UBAP2L: variants seen among roughly 807,000 people sequenced by gnomAD.
UBAP2L encodes ubiquitin associated protein 2 like, also known as ubiquitin-associated protein 2-like.
UBAP2L carries 12 observed loss-of-function variants against 130.6 expected under a neutral mutation model. The ratio of observed to expected loss-of-function variants is 0.09; its 90% CI spans 0.06 to 0.15. UBAP2L has a LOEUF of 0.15. UBAP2L is among the 10% of genes least tolerant of loss of function. The pLI, the probability that UBAP2L is intolerant of heterozygous loss-of-function variation, is 1.00. For synonymous variants in UBAP2L, 503 were observed against 524.7 expected (o/e 0.96, Z 0.57); for missense variants, 965 against 1,332.5 (o/e 0.72, Z 4.29).
At chr1:154,262,963 A>C in intron 24 of UBAP2L, 1 of 787,154 alleles carries the variant, frequency 1.3e-6, no homozygotes, top group Non-Finnish European at 1.9e-6. Context: ...GGCATACCTG[A>C]TTCTAGAAAT....
In UBAP2L at chr1:154,233,052, C is replaced by T. The variant is rs928481969; in HGVS notation, c.280-1539C>T. Among the ~76,000 whole-genome samples, 7 of 151,210 alleles carry T rather than the reference C, an allele frequency of 4.6e-5. No individual in the cohort carries two copies. In the East Asian group the frequency reaches 5.8e-4, roughly 13 times the overall value. On this transcript the variant is annotated intron_variant, in intron 4 of 26. Transcript: ENST00000428931. Reference sequence around the variant, plus strand: ...TTTTTTGAGATGGAGACTCCTCTGTCGCCCAGGCTGGAGTGCAATGGCAGG... The same window carrying T: ...TTTTTTGAGATGGAGACTCCTCTGTTGCCCAGGCTGGAGTGCAATGGCAGG...
chr1:154,268,352 G>A (rs1389498570), intron 25 of UBAP2L, among the ~76,000 whole-genome samples: 1 of 151,544 alleles, frequency 6.6e-6, no homozygotes, highest in African/African-American at 2.4e-5. Flanking sequence ...CACCATGCCC[G>A]GCTAATTTTT....
chr1:154,270,108 A>G, intron 26 of UBAP2L, 92 bp from the exon 27 acceptor site: 7 of 1,452,490 alleles, frequency 4.8e-6, no homozygotes, highest in Non-Finnish European at 5.6e-6. Flanking sequence ...GGAGAGCAAG[A>G]CAGTTTGCAC....
intron 8 of UBAP2L, among the ~76,000 whole-genome samples, chr1:154,238,905 TA>T (rs1672581264): frequency 6.6e-6 from 1 of 151,826 alleles, no homozygotes; most frequent in South Asian, 2.1e-4. Flanking sequence ...CACGCCTGGC[TA>T]ATTTTTGTAT....
At chr1:154,234,542 C>G in intron 4 of UBAP2L, 49 bp from the exon 5 acceptor site, 1 of 1,600,858 alleles carries the variant, frequency 6.2e-7, no homozygotes, top group Non-Finnish European at 8.6e-7. Flanking sequence ...CTCTAGTGTC[C>G]TGATAGCACT....
chr1:154,242,984 A>C (rs957887597), intron 9 of UBAP2L: 1 of 336,690 alleles, frequency 3.0e-6, no homozygotes, highest in Non-Finnish European at 5.5e-6. Flanking sequence ...GCATATGATC[A>C]TGTGACTCCA....
At chr1:154,229,687 C>T (rs1402331164) in intron 4 of UBAP2L, among the ~76,000 whole-genome samples, 2 of 152,054 alleles carry the variant, frequency 1.3e-5, no homozygotes, top group African/African-American at 4.8e-5. Context: ...TGATTTCAAA[C>T]TCCTGGACTC....
At chr1:154,253,668 G>A (rs111584515) in intron 14 of UBAP2L, among the ~76,000 whole-genome samples, 9 of 152,200 alleles carry the variant, frequency 5.9e-5, no homozygotes, top group East Asian at 1.9e-4. Context: ...CACTGCGCCC[G>A]GCCTAGATGT....
At chr1:154,259,153 A>T (rs1680648911) in intron 21 of UBAP2L, 123 bp downstream of exon 21, 1 of 833,510 alleles carries the variant, frequency 1.2e-6, no homozygotes, top group African/African-American at 1.7e-5. Flanking sequence ...GATTTAAGGC[A>T]TATTAGAATA....
At chr1:154,228,248 C>T (rs577528030) in intron 3 of UBAP2L, among the ~76,000 whole-genome samples, 6 of 151,472 alleles carry the variant, frequency 4.0e-5, no homozygotes, top group Admixed American at 6.6e-5. Context: ...AGTGCAGTGG[C>T]GCAATCTCAG....
chr1:154,225,508 G>A (rs1667627096), intron 2 of UBAP2L, among the ~76,000 whole-genome samples: 1 of 147,592 alleles, frequency 6.8e-6, no homozygotes, highest in Admixed American at 6.8e-5. Context: ...AGCTCCCTTT[G>A]CCTAGGTCAA....
intron 4 of UBAP2L, among the ~76,000 whole-genome samples, chr1:154,229,544 A>G (rs1669118693): frequency 6.6e-6 from 1 of 151,228 alleles, no homozygotes; most frequent in Admixed American, 6.6e-5. Context: ...ACATGCTGCA[A>G]CCTCCTCGTC....
intron 9 of UBAP2L, 24 bp from the exon 10 acceptor site, chr1:154,243,193 G>GTGA (rs1228345851): frequency 1.2e-6 from 2 of 1,603,542 alleles, no homozygotes; most frequent in African/African-American, 2.7e-5. Context: ...GACACCAAGA[G>GTGA]TGACTAATCC....
chr1:154,245,651 A>C (rs1455267977), intron 10 of UBAP2L, among the ~76,000 whole-genome samples: 9 of 152,164 alleles, frequency 5.9e-5, no homozygotes, highest in Non-Finnish European at 1.2e-4. Context: ...TGCGGTGGCT[A>C]ACGCCTGTAA....
In UBAP2L at chr1:154,253,947, A is replaced by G. The variant is rs768517127; in HGVS notation, c.1712A>G (p.Tyr571Cys). The change falls in exon 15 of 27, where the codon TAT (tyrosine) becomes TGT (cysteine). Residue 571 changes from tyrosine to cysteine, a missense_variant. This residue lies in a region of UBAP2L where 393 missense variants were observed against 408.1 expected (regional missense o/e 0.96). Transcript: ENST00000428931. ...ISSNQSQESG[Y>C]QSGPIQSTTY... ...TCTAACCAGAGTCAGGAGTCTGGTT[A>G]TCAGAGCGGCCCAATTCAGTCGACA... 1 of 1,614,160 alleles carries G rather than the reference A, an allele frequency of 6.2e-7. No individual in the cohort carries two copies. Among genetic ancestry groups the G allele is most frequent in the South Asian group, 1.1e-5 (1 of 91,082 alleles).
At chr1:154,230,603 TAA>T (rs1362620568) in intron 4 of UBAP2L, among the ~76,000 whole-genome samples, 1 of 152,232 alleles carries the variant, frequency 6.6e-6, no homozygotes, top group African/African-American at 2.4e-5. Flanking sequence ...TATGTTTTTT[TAA>T]AAGTCTGAAT....
At chr1:154,252,033 G>C (rs1677799051) in intron 14 of UBAP2L, among the ~76,000 whole-genome samples, 1 of 152,142 alleles carries the variant, frequency 6.6e-6, no homozygotes, top group African/African-American at 2.4e-5. Flanking sequence ...GAATGCAGTG[G>C]TGCGATCTCG....
At chr1:154,270,126 C>T (rs866301326) in intron 26 of UBAP2L, 74 bp from the exon 27 acceptor site, 2 of 1,487,330 alleles carry the variant, frequency 1.3e-6, no homozygotes, top group Non-Finnish European at 1.8e-6. Context: ...CACATCTCCA[C>T]CTGAAGATGT....
intron 3 of UBAP2L, among the ~76,000 whole-genome samples, chr1:154,228,325 T>C (rs923550252): frequency 6.6e-6 from 1 of 152,030 alleles, no homozygotes; most frequent in Non-Finnish European, 1.5e-5. Flanking sequence ...GTAGCTAGGA[T>C]TACAGGCGCC....
Sources: allele counts gnomAD v4.1 joint callset (sites outside exome capture counted in the v4.1 genomes callset), GRCh38; gene constraint gnomAD v4.1.1; regional missense constraint gnomAD v4.1.1; transcripts MANE v1.5; gene names NCBI Gene and HGNC (gene_info 2026-07-23, HGNC 2026-07-21).